Variants in GABRA4 observed in about 807,000 individuals in gnomAD.
GABRA4 encodes gamma-aminobutyric acid type A receptor subunit alpha4, also known as gamma-aminobutyric acid receptor subunit alpha-4.
In GABRA4, 12 loss-of-function variants were observed where a neutral mutation model predicts 49.7. The observed-to-expected ratio is 0.24, with a 90% confidence interval of 0.15 to 0.39. The LOEUF is 0.39. Among genes scored for constraint, GABRA4 ranks in the 10% least tolerant of loss-of-function variants. The probability of loss-of-function intolerance (pLI) is 1.00; values close to 1 mark genes in which losing one functional copy is unlikely to be tolerated. For missense variants in GABRA4, 506 were observed against 686.0 expected, an observed-to-expected ratio of 0.74 and a Z score of 2.93; for synonymous variants, 288 against 240.2, an observed-to-expected ratio of 1.20 and a Z score of -1.84.
At chr4:46,988,974 T>C (rs1310104509) in intron 2 of GABRA4, among the ~76,000 whole-genome samples, 1 of 152,230 alleles carries the variant, frequency 6.6e-6, no homozygotes, top group African/African-American at 2.4e-5. Flanking sequence ...CTTTGTGTTG[T>C]CGTAATAATC....
chr4:46,936,465 G>C (rs192596643), intron 8 of GABRA4, among the ~76,000 whole-genome samples: 2 of 152,214 alleles, frequency 1.3e-5, no homozygotes, highest in African/African-American at 4.8e-5. Flanking sequence ...TGTCAGGCTG[G>C]TCTCGAACTC....
intron 8 of GABRA4, among the ~76,000 whole-genome samples, chr4:46,937,567 A>G (rs1340731823): frequency 6.6e-6 from 1 of 152,192 alleles, no homozygotes; most frequent in African/African-American, 2.4e-5. Flanking sequence ...AATTCTAGAT[A>G]GAGCCAAGAT....
At chr4:46,976,402 C>CAAA (rs1723141731) in intron 5 of GABRA4, among the ~76,000 whole-genome samples, 1 of 133,152 alleles carries the variant, frequency 7.5e-6, no homozygotes, top group South Asian at 2.6e-4. Flanking sequence ...TGTAAAATGT[C>CAAA]AAAGAAAGCT....
chr4:46,991,468 T>C (rs11732398), intron 2 of GABRA4, among the ~76,000 whole-genome samples: 16,113 of 152,210 alleles, frequency 0.11, 926 homozygotes, highest in South Asian at 0.19. Flanking sequence ...AAAGAGTTTC[T>C]AGCCCCAGGC....
Position 46,982,103 on chromosome 4 carries a change from A to G in GABRA4, c.206-3005T>C, listed in dbSNP as rs148303124. 5.3e-5 allele frequency among the ~76,000 whole-genome samples: 8 copies of G among 152,230 alleles called. No individual in the cohort carries two copies. The East Asian group carries it at 1.5e-3, about 29-fold the overall frequency. ...AAAAGTGGCATCTTTTAAGCAACAT[A>G]CTTATAATATATGCTATGGTGACTG... On this transcript the variant is annotated intron_variant, in intron 2 of 8. Coordinates refer to ENST00000264318, the MANE Select transcript of GABRA4 (RefSeq NM_000809.4).
intron 2 of GABRA4, among the ~76,000 whole-genome samples, chr4:46,987,854 C>A (rs970702342): frequency 6.6e-6 from 1 of 152,080 alleles, no homozygotes; most frequent in East Asian, 1.9e-4. Context: ...CAAACCATGT[C>A]ATTCCCTCCA....
At chr4:46,938,980 A>C (rs1021630471) in intron 8 of GABRA4, among the ~76,000 whole-genome samples, 1 of 152,068 alleles carries the variant, frequency 6.6e-6, no homozygotes, top group African/African-American at 2.4e-5. Flanking sequence ...GTACTAGAGA[A>C]TACATTACCC....
Position 46,965,043 on chromosome 4 carries a change from T to G in GABRA4, c.1061A>C (p.Lys354Thr), listed in dbSNP as rs758912875. 4 of 1,612,018 alleles carry G rather than the reference T, an allele frequency of 2.5e-6. No individual in the cohort carries two copies. The African/African-American group carries it at 5.4e-5, about 22-fold the overall frequency. Reference protein sequence around the residue: ...TNIQMEKAKRKTSKPPQEVPA... With the variant: ...TNIQMEKAKRTTSKPPQEVPA... ...AACTTCCTGAGGGGGCTTTGATGTC[T>G]TCCTTTTGGCTTTTTCCATTTGAAT... Residue 354 changes from lysine to threonine, a missense_variant, in exon 8 of 9, where the codon AAG becomes ACG. Physicochemically the swap from Lys to Thr is moderately conservative, Grantham distance 78 (BLOSUM62 -1). Around this residue, in one of 5 missense-constraint regions of GABRA4, gnomAD observed 243 missense variants for 210.8 expected, o/e 1.15. Coordinates refer to ENST00000264318, the MANE Select transcript of GABRA4 (RefSeq NM_000809.4).
At chr4:46,991,671 C>G (rs940000080) in intron 2 of GABRA4, among the ~76,000 whole-genome samples, 1 of 151,936 alleles carries the variant, frequency 6.6e-6, no homozygotes, top group African/African-American at 2.4e-5. Context: ...AATACACAGC[C>G]TGCTCTGGGT....
At position 46,925,436 on chromosome 4, in the gene GABRA4, ACTAGGTC is replaced by A. The variant is rs1577736488; in HGVS notation, c.*2782_*2788del. 1.3e-5 allele frequency: 2 copies of A among 152,024 alleles called. No homozygotes were observed. The highest frequency in any genetic ancestry group is 4.1e-4 in the South Asian group (2 of 4,826). 9.4% of individuals were successfully genotyped at this position (152,024 alleles called of 1,614,324 possible). ...TTAGTGGCCAACATGGACTGCAGAT[ACTAGGTC>A]CTGAATAAAATTATTCTGAATTTCA... On this transcript the variant is annotated 3_prime_UTR_variant, in exon 9 of 9. Coordinates refer to ENST00000264318, the MANE Select transcript of GABRA4 (RefSeq NM_000809.4).
rs1476672775 is a variant in GABRA4, at chr4:46,979,118, T to C, written c.206-20A>G. 23 of 1,519,066 alleles carry C rather than the reference T, an allele frequency of 1.5e-5. No homozygotes were observed. Among genetic ancestry groups the C allele is most frequent in the Non-Finnish European group, 2.1e-5 (23 of 1,097,574 alleles). The allele number at this position is 1,519,066 out of a possible 1,614,324, so 94.1% of individuals were successfully genotyped here. On this transcript the variant is annotated intron_variant, in intron 2 of 8. Coordinates refer to ENST00000264318, the MANE Select transcript of GABRA4 (RefSeq NM_000809.4). Reference sequence around the variant, plus strand: ...CAGGACCTAACGGGTATGAAGTAAATAAGTGTGAAAAAATAATTACCAATT... The same window carrying C: ...CAGGACCTAACGGGTATGAAGTAAACAAGTGTGAAAAAATAATTACCAATT...
At chr4:46,941,570 CT>C (rs1721798295) in intron 8 of GABRA4, among the ~76,000 whole-genome samples, 1 of 152,020 alleles carries the variant, frequency 6.6e-6, no homozygotes, top group African/African-American at 2.4e-5. Flanking sequence ...TAGATGGCCC[CT>C]GTCAGGTAAA....
intron 8 of GABRA4, among the ~76,000 whole-genome samples, chr4:46,959,772 A>AG (rs1371091484): frequency 1.3e-5 from 2 of 148,398 alleles, no homozygotes; most frequent in African/African-American, 2.5e-5. Context: ...AAAAAAAAAA[A>AG]AAAAGAAAAG....
intron 8 of GABRA4, among the ~76,000 whole-genome samples, chr4:46,945,524 G>A (rs768297622): frequency 3.9e-5 from 6 of 152,078 alleles, no homozygotes; most frequent in East Asian, 1.9e-4. Context: ...TAAAGCTATC[G>A]TTTATTGAAA....
chr4:46,959,923 T>C (rs1266124429), intron 8 of GABRA4, among the ~76,000 whole-genome samples: 1 of 150,668 alleles, frequency 6.6e-6, no homozygotes, highest in Non-Finnish European at 1.5e-5. Context: ...TGAGGAGTGT[T>C]AGTAGCTACA....
intron 8 of GABRA4, among the ~76,000 whole-genome samples, chr4:46,948,493 C>CACT (rs1222554313): frequency 1.3e-5 from 2 of 152,030 alleles, no homozygotes; most frequent in Non-Finnish European, 2.9e-5. Flanking sequence ...TGATTGTGCT[C>CACT]ACTCTACTGT....
intron 5 of GABRA4, among the ~76,000 whole-genome samples, chr4:46,974,866 G>A (rs1384367947): frequency 2.0e-5 from 3 of 152,004 alleles, no homozygotes; most frequent in East Asian, 3.9e-4. Context: ...CTCCCCTGGG[G>A]TCACCTGTTC....
intron 6 of GABRA4, among the ~76,000 whole-genome samples, chr4:46,973,098 G>T (rs1198800727): frequency 6.6e-6 from 1 of 151,698 alleles, no homozygotes; most frequent in Non-Finnish European, 1.5e-5. Flanking sequence ...AAATGTTATA[G>T]TAGTATCCAC....
At chr4:46,955,844 T>C (rs1387052319) in intron 8 of GABRA4, among the ~76,000 whole-genome samples, 1 of 152,104 alleles carries the variant, frequency 6.6e-6, no homozygotes, top group Non-Finnish European at 1.5e-5. Context: ...TTTTATATAG[T>C]AAATACAGCC....
Sources: allele counts gnomAD v4.1 joint callset (sites outside exome capture counted in the v4.1 genomes callset), GRCh38; gene constraint gnomAD v4.1.1; regional missense constraint gnomAD v4.1.1; transcripts MANE v1.5; gene names NCBI Gene and HGNC (gene_info 2026-07-23, HGNC 2026-07-21).